Variants in AGBL4 observed in about 807,000 individuals in gnomAD.
The protein encoded by AGBL4 is AGBL carboxypeptidase 4.
Under a neutral mutation model 66.4 loss-of-function variants are expected in AGBL4, and 58 were observed. That is an observed-to-expected ratio of 0.87 (90% CI 0.71 to 1.09). The LOEUF (loss-of-function observed/expected upper bound fraction) is 1.09, where lower values mean the gene tolerates loss of function less well. AGBL4 is among the 50% of genes least tolerant of loss of function. AGBL4 has a pLI of 0.00. For missense variants in AGBL4, 579 were observed against 631.0 expected (o/e 0.92, Z 0.88); for synonymous variants, 234 against 222.9 (o/e 1.05, Z -0.44).
intron 3 of AGBL4, among the ~76,000 whole-genome samples, chr1:49,658,005 A>C (rs1329468738): frequency 2.0e-5 from 3 of 152,214 alleles, no homozygotes; most frequent in Non-Finnish European, 4.4e-5. Flanking sequence ...AAATTGACAA[A>C]TGGGATCTAA....
chr1:49,596,076 C>T (rs1571135122), intron 3 of AGBL4, among the ~76,000 whole-genome samples: 1 of 152,072 alleles, frequency 6.6e-6, no homozygotes. Flanking sequence ...TGACCAAAAA[C>T]CCACAGGTAG....
At chr1:49,607,165 C>A (rs553321165) in intron 3 of AGBL4, among the ~76,000 whole-genome samples, 2 of 152,164 alleles carry the variant, frequency 1.3e-5, no homozygotes, top group South Asian at 2.1e-4. Context: ...CCATAAGAAC[C>A]ACCATGCCTT....
intron 5 of AGBL4, among the ~76,000 whole-genome samples, chr1:48,975,466 A>G (rs1659246947): frequency 6.6e-6 from 1 of 152,176 alleles, no homozygotes; most frequent in Non-Finnish European, 1.5e-5. Context: ...AAAACCACAC[A>G]GAAGATTCCT....
chr1:48,843,220 A>G (rs1169584772), intron 6 of AGBL4, among the ~76,000 whole-genome samples: 1 of 152,146 alleles, frequency 6.6e-6, no homozygotes, highest in Non-Finnish European at 1.5e-5. Flanking sequence ...AAAAATTTAT[A>G]TGTGTAATAA....
chr1:49,528,957 T>C (rs1255230958), intron 3 of AGBL4, among the ~76,000 whole-genome samples: 1 of 152,110 alleles, frequency 6.6e-6, no homozygotes, highest in African/African-American at 2.4e-5. Flanking sequence ...AAAAGTCTTG[T>C]ACATTAAGCT....
chr1:49,508,684 ATTAC>A (rs1178661482), intron 3 of AGBL4, among the ~76,000 whole-genome samples: 1 of 151,972 alleles, frequency 6.6e-6, no homozygotes, highest in Non-Finnish European at 1.5e-5. Flanking sequence ...CCTTAGGCAA[ATTAC>A]TTATCCTCTT....
intron 5 of AGBL4, among the ~76,000 whole-genome samples, chr1:48,997,711 C>T (rs145416767): frequency 6.6e-6 from 1 of 152,124 alleles, no homozygotes; most frequent in Admixed American, 6.5e-5. Context: ...AAATTTCTTA[C>T]CCATAATATG....
chr1:48,588,860 G>GA (rs1253235496), intron 10 of AGBL4, among the ~76,000 whole-genome samples: 44 of 147,672 alleles, frequency 3.0e-4, no homozygotes, highest in African/African-American at 4.6e-4. Context: ...GAGAAGAGAA[G>GA]GGAAGAGAAG....
intron 5 of AGBL4, among the ~76,000 whole-genome samples, chr1:48,987,774 C>T (rs1420653153): frequency 6.6e-6 from 1 of 152,008 alleles, no homozygotes; most frequent in Non-Finnish European, 1.5e-5. Flanking sequence ...AAGTTTCATG[C>T]ATGTGAAAAA....
At chr1:49,541,719 A>G (rs549741143) in intron 3 of AGBL4, among the ~76,000 whole-genome samples, 19 of 152,138 alleles carry the variant, frequency 1.2e-4, no homozygotes, top group Admixed American at 6.5e-4. Context: ...CGGCGAGGGA[A>G]TGGCGGGCAG....
chr1:49,500,410 T>TA (rs139655301), intron 3 of AGBL4, among the ~76,000 whole-genome samples: 4 of 151,646 alleles, frequency 2.6e-5, no homozygotes, highest in African/African-American at 9.7e-5. Flanking sequence ...TTATCTTTTT[T>TA]TTTTTTGCAT....
At chr1:49,880,026 A>G (rs1342334796) in intron 1 of AGBL4, among the ~76,000 whole-genome samples, 2 of 150,806 alleles carry the variant, frequency 1.3e-5, no homozygotes, top group African/African-American at 4.9e-5. Context: ...TCCTTTAAGC[A>G]CTTCTCTGTA....
At chr1:49,389,934 A>C (rs1644812387) in intron 3 of AGBL4, among the ~76,000 whole-genome samples, 1 of 152,210 alleles carries the variant, frequency 6.6e-6, no homozygotes. Context: ...TCTCAAGCAC[A>C]GGCAGTAGAC....
At chr1:49,819,369 A>G (rs1261415130) in intron 2 of AGBL4, among the ~76,000 whole-genome samples, 1 of 152,188 alleles carries the variant, frequency 6.6e-6, no homozygotes, top group Non-Finnish European at 1.5e-5. Context: ...ATTTTATAGT[A>G]TATTAGCAAC....
intron 3 of AGBL4, among the ~76,000 whole-genome samples, chr1:49,344,222 T>G (rs1645594805): frequency 6.6e-6 from 1 of 152,078 alleles, no homozygotes; most frequent in Non-Finnish European, 1.5e-5. Flanking sequence ...TTGTAACATA[T>G]GTAATTAAGA....
chr1:49,005,870 G>T (rs1440025205), intron 5 of AGBL4, among the ~76,000 whole-genome samples: 1 of 152,048 alleles, frequency 6.6e-6, no homozygotes, highest in Non-Finnish European at 1.5e-5. Flanking sequence ...ACATGGTGGT[G>T]TGTGCCTGTA....
chr1:49,277,795 C>T (rs1644198627), intron 3 of AGBL4, among the ~76,000 whole-genome samples: 1 of 150,786 alleles, frequency 6.6e-6, no homozygotes, highest in Admixed American at 6.6e-5. Flanking sequence ...CCCACTCCAA[C>T]TTGCCCCATA....
chr1:49,803,375 T>C (rs1156711959), intron 2 of AGBL4, among the ~76,000 whole-genome samples: 3 of 152,196 alleles, frequency 2.0e-5, no homozygotes, highest in Non-Finnish European at 4.4e-5. Flanking sequence ...TCTCTACTTT[T>C]GTCTCTACTG....
At chr1:48,888,554 C>T (rs1650595783) in intron 5 of AGBL4, among the ~76,000 whole-genome samples, 1 of 152,116 alleles carries the variant, frequency 6.6e-6, no homozygotes, top group Non-Finnish European at 1.5e-5. Context: ...AAGGCCTTTC[C>T]CAGAATGGTG....
Sources: allele counts gnomAD v4.1 joint callset (sites outside exome capture counted in the v4.1 genomes callset), GRCh38; gene constraint gnomAD v4.1.1; transcripts MANE v1.5; gene names NCBI Gene and HGNC (gene_info 2026-07-23, HGNC 2026-07-21).